The following EPB41L4A variants were observed in gnomAD, a reference collection of about 807,000 sequenced individuals.
The protein encoded by EPB41L4A is band 4.1-like protein 4A.
A neutral mutation model predicts 108.6 loss-of-function variants in EPB41L4A; 100 were observed. The observed-to-expected ratio is 0.92, with a 90% confidence interval of 0.78 to 1.09. The LOEUF (loss-of-function observed/expected upper bound fraction) is 1.09. Ranked by LOEUF, EPB41L4A falls within the 50% of genes least tolerant of loss-of-function variation. The pLI, the probability that EPB41L4A is intolerant of heterozygous loss-of-function variation, is 0.00. For synonymous variants in EPB41L4A, 319 were observed against 289.0 expected, an observed-to-expected ratio of 1.10 and a Z score of -1.05; for missense variants, 1,030 against 842.7, an observed-to-expected ratio of 1.22 and a Z score of -2.75.
chr5:112,161,363 A>C (rs898391435), downstream of EPB41L4A: 2 of 412,004 alleles, frequency 4.9e-6, no homozygotes, highest in African/African-American at 2.1e-5. Flanking sequence ...TTTCATTATT[A>C]AGTCGGATTT....
At chr5:112,254,879 C>T (rs1750960838) in intron 9 of EPB41L4A, among the ~76,000 whole-genome samples, 1 of 152,042 alleles carries the variant, frequency 6.6e-6, no homozygotes, top group African/African-American at 2.4e-5. Context: ...AACCCCCTCA[C>T]TCCTCAGTCT....
In EPB41L4A at chr5:112,163,850, T is replaced by C. The variant is rs1298552596; in HGVS notation, c.*1140A>G. 2.0e-5 allele frequency: 3 copies of C among 152,146 alleles called. No individual in the cohort carries two copies. The highest frequency in any genetic ancestry group is 4.8e-5 in the African/African-American group (2 of 41,416). 9.4% of individuals were successfully genotyped at this position (152,146 alleles called of 1,614,324 possible). ...GAGAGAATAATTGAATACATTAATA[T>C]AGGAGGACAGACAAAGATCCTGAAA... On this transcript the variant is annotated 3_prime_UTR_variant, in exon 23 of 23. Coordinates refer to ENST00000261486, the MANE Select transcript of EPB41L4A (RefSeq NM_022140.5).
intron 1 of EPB41L4A, among the ~76,000 whole-genome samples, chr5:112,310,391 A>G (rs2150586935): frequency 6.6e-6 from 1 of 152,244 alleles, no homozygotes; most frequent in South Asian, 2.1e-4. Context: ...TTCTTTTCTT[A>G]CTGCATTGGC....
intron 9 of EPB41L4A, among the ~76,000 whole-genome samples, chr5:112,242,091 A>G (rs1749832744): frequency 6.6e-6 from 1 of 152,204 alleles, no homozygotes; most frequent in Admixed American, 6.5e-5. Context: ...GCTGAAGGTT[A>G]GAGTGGCTAT....
chr5:112,316,102 T>C (rs1263909968), intron 1 of EPB41L4A, among the ~76,000 whole-genome samples: 1 of 152,176 alleles, frequency 6.6e-6, no homozygotes, highest in Non-Finnish European at 1.5e-5. Context: ...GACTCACTAG[T>C]AGGACAAGTT....
At chr5:112,215,772 A>AAC (rs1554079196) in intron 12 of EPB41L4A, among the ~76,000 whole-genome samples, 3 of 147,174 alleles carry the variant, frequency 2.0e-5, no homozygotes, top group South Asian at 2.2e-4. Flanking sequence ...CAAAAAAAAA[A>AAC]AAAAACAAAA....
Position 112,162,710 on chromosome 5 carries a change from T to G in EPB41L4A, c.*2280A>C, listed in dbSNP as rs944343721. ...AACACAGTTCTTCCCTTTGGAAACA[T>G]AGATAAGTGGAGGGAATGTCATCAC... On this transcript the variant is annotated 3_prime_UTR_variant, in exon 23 of 23. Transcript: ENST00000261486. 1 of 152,280 alleles carries G rather than the reference T, an allele frequency of 6.6e-6. No homozygotes were observed. The highest frequency in any genetic ancestry group is 1.9e-4 in the East Asian group (1 of 5,188). The allele number at this position is 152,280 out of a possible 1,614,324, so 9.4% of individuals were successfully genotyped here.
intron 1 of EPB41L4A, among the ~76,000 whole-genome samples, chr5:112,414,089 G>C (rs747990742): frequency 3.3e-5 from 5 of 152,188 alleles, no homozygotes; most frequent in African/African-American, 7.2e-5. Context: ...TAAGTAATTA[G>C]CGGTGCCAAA....
intron 12 of EPB41L4A, among the ~76,000 whole-genome samples, chr5:112,234,422 T>C (rs1376632043): frequency 6.6e-6 from 1 of 151,946 alleles, no homozygotes; most frequent in East Asian, 1.9e-4. Flanking sequence ...AAGCAGGCCA[T>C]GGTGATTCAA....
intron 1 of EPB41L4A, among the ~76,000 whole-genome samples, chr5:112,309,745 A>G (rs901825941): frequency 2.0e-5 from 3 of 152,202 alleles, no homozygotes; most frequent in Non-Finnish European, 4.4e-5. Flanking sequence ...AATGGGCTCT[A>G]AAAAGCACAG....
At chr5:112,348,584 G>C (rs1266083451) in intron 1 of EPB41L4A, among the ~76,000 whole-genome samples, 1 of 152,136 alleles carries the variant, frequency 6.6e-6, no homozygotes, top group Non-Finnish European at 1.5e-5. Context: ...GAAGCAGGTG[G>C]GGGAGGGGTG....
At chr5:112,382,064 A>G (rs1358345803) in intron 1 of EPB41L4A, among the ~76,000 whole-genome samples, 1 of 152,270 alleles carries the variant, frequency 6.6e-6, no homozygotes, top group African/African-American at 2.4e-5. Context: ...AGTGCACATC[A>G]GTTAGTCAAA....
chr5:112,380,483 T>C (rs1561625277), intron 1 of EPB41L4A, among the ~76,000 whole-genome samples: 1 of 152,256 alleles, frequency 6.6e-6, no homozygotes, highest in East Asian at 1.9e-4. Flanking sequence ...GAATTGACCA[T>C]AGATGCTACT....
intron 1 of EPB41L4A, among the ~76,000 whole-genome samples, chr5:112,310,081 C>A (rs1381132870): frequency 6.6e-6 from 1 of 152,198 alleles, no homozygotes; most frequent in East Asian, 1.9e-4. Context: ...GCCATGACAT[C>A]CTGGACTTGT....
intron 2 of EPB41L4A, among the ~76,000 whole-genome samples, chr5:112,288,624 T>C (rs1753439692): frequency 6.6e-6 from 1 of 152,144 alleles, no homozygotes; most frequent in African/African-American, 2.4e-5. Context: ...TAGTAATTGT[T>C]GTGTGCCTCC....
At chr5:112,348,799 T>C (rs559994908) in intron 1 of EPB41L4A, among the ~76,000 whole-genome samples, 1 of 152,254 alleles carries the variant, frequency 6.6e-6, no homozygotes, top group South Asian at 2.1e-4. Context: ...ACAAGCTATT[T>C]ATTTATTCCT....
chr5:112,339,457 T>TAC (rs1757121368), intron 1 of EPB41L4A, among the ~76,000 whole-genome samples: 1 of 134,854 alleles, frequency 7.4e-6, no homozygotes, highest in Non-Finnish European at 1.6e-5. Context: ...GATATATAGC[T>TAC]ATAGATATAT....
At chr5:112,294,004 C>G (rs1524426) in intron 2 of EPB41L4A, among the ~76,000 whole-genome samples, 20,595 of 152,160 alleles carry the variant, frequency 0.14, 1,463 homozygotes, top group East Asian at 0.24. Context: ...TTACACATGA[C>G]ATTGTTTGAA....
intron 1 of EPB41L4A, among the ~76,000 whole-genome samples, chr5:112,394,833 G>C (rs985899355): frequency 6.6e-6 from 1 of 152,178 alleles, no homozygotes; most frequent in African/African-American, 2.4e-5. Context: ...CTAGCTACCT[G>C]ACTTCAAACT....
Sources: gnomAD v4.1 joint callset for allele counts (sites outside exome capture counted in the v4.1 genomes callset) on GRCh38, gnomAD v4.1.1 for gene constraint, MANE v1.5 for transcripts, NCBI Gene and HGNC (gene_info 2026-07-23, HGNC 2026-07-21) for gene names.